Variants in FAM185A observed in about 807,000 individuals in gnomAD.
FAM185A encodes the protein protein FAM185A.
A neutral mutation model predicts 45.7 loss-of-function variants in FAM185A; 21 were observed. The ratio of observed to expected loss-of-function variants is 0.46; its 90% CI spans 0.33 to 0.66. The LOEUF (loss-of-function observed/expected upper bound fraction) is 0.66. FAM185A is among the 30% of genes least tolerant of loss of function. The probability of loss-of-function intolerance (pLI) is 0.03; values close to 1 mark genes in which losing one functional copy is unlikely to be tolerated. For missense variants in FAM185A, 305 were observed against 485.4 expected (o/e 0.63, Z 3.49); for synonymous variants, 117 against 194.0 (o/e 0.60, Z 3.30).
At chr7:102,766,051 G>C (rs1174581161) in intron 4 of FAM185A, among the ~76,000 whole-genome samples, 1 of 152,152 alleles carries the variant, frequency 6.6e-6, no homozygotes, top group Non-Finnish European at 1.5e-5. Flanking sequence ...ACAAAATACA[G>C]TTTTAAATAT....
chr7:102,813,775 A>G (rs1455199019), downstream of FAM185A, among the ~76,000 whole-genome samples: 2 of 152,198 alleles, frequency 1.3e-5, no homozygotes, highest in Non-Finnish European at 2.9e-5. Context: ...TAAGGAAACT[A>G]CACATGGCCA....
chr7:102,762,726 A>G (rs1040180313), intron 4 of FAM185A, among the ~76,000 whole-genome samples: 1 of 151,920 alleles, frequency 6.6e-6, no homozygotes, highest in African/African-American at 2.4e-5. Flanking sequence ...CTGGAGCCTC[A>G]ATTTAATGGT....
chr7:102,845,118 C>A, the FAM185A span, among the ~76,000 whole-genome samples: 1 of 152,046 alleles, frequency 6.6e-6, no homozygotes, highest in East Asian at 1.9e-4. Flanking sequence ...TAGACACCAT[C>A]AATTATTAGC....
At chr7:102,813,569 G>A (rs533475642), downstream of FAM185A, 9 of 1,587,754 alleles carry the variant, frequency 5.7e-6, no homozygotes, top group Admixed American at 5.4e-5. Context: ...AGTTGCAGAA[G>A]TAACCCCTAG....
At chr7:102,797,496 C>T (rs1283910889) in intron 7 of FAM185A, among the ~76,000 whole-genome samples, 10 of 152,124 alleles carry the variant, frequency 6.6e-5, no homozygotes, top group Non-Finnish European at 1.3e-4. Flanking sequence ...CAAAAAAGAA[C>T]GTTGACAAAA....
chr7:102,756,107 A>G (rs1584274604), intron 2 of FAM185A, among the ~76,000 whole-genome samples: 1 of 151,578 alleles, frequency 6.6e-6, no homozygotes, highest in East Asian at 2.0e-4. Flanking sequence ...GTAGTTAACC[A>G]TGCTATAGTA....
chr7:102,778,055 C>T (rs1460176938), intron 6 of FAM185A, among the ~76,000 whole-genome samples: 1 of 152,294 alleles, frequency 6.6e-6, no homozygotes, highest in South Asian at 2.1e-4. Context: ...AGAACTGTAG[C>T]TCTGTATAAA....
At chr7:102,811,188 G>C (rs754559867), downstream of FAM185A, among the ~76,000 whole-genome samples, 1 of 152,086 alleles carries the variant, frequency 6.6e-6, no homozygotes, top group Non-Finnish European at 1.5e-5. Flanking sequence ...AGCCAGAAAA[G>C]TCATAAGCAT....
the FAM185A span, among the ~76,000 whole-genome samples, chr7:102,845,026 C>CT: frequency 6.6e-6 from 1 of 152,180 alleles, no homozygotes; most frequent in African/African-American, 2.4e-5. Flanking sequence ...GTGCACCCCT[C>CT]TCCTGACATA....
chr7:102,755,240 T>C (rs1793637049), intron 2 of FAM185A: 1 of 490,586 alleles, frequency 2.0e-6, no homozygotes, highest in African/African-American at 2.0e-5. Flanking sequence ...AATCCCCTGT[T>C]TGAGAAAAGG....
intron 7 of FAM185A, among the ~76,000 whole-genome samples, chr7:102,797,866 T>C (rs1796530043): frequency 6.6e-6 from 1 of 152,094 alleles, no homozygotes; most frequent in Admixed American, 6.6e-5. Context: ...TGTTACAGGG[T>C]TAGAAGTGGG....
rs371359190 is a variant in FAM185A, at chr7:102,786,320, C to T, written c.932-1015C>T. On this transcript the variant is annotated intron_variant, in intron 6 of 7. Coordinates refer to ENST00000413034, the MANE Select transcript of FAM185A (RefSeq NM_001145268.2). ...TAGAAATACCATTTGACCCAGCAAT[C>T]CCATTACTGGGTATATACCCAAAGG... is the stretch of plus-strand genomic sequence containing the variant. Among the ~76,000 whole-genome samples, 1,358 of 152,300 alleles carry T rather than the reference C, an allele frequency of 8.9e-3. 11 individuals are homozygous for T. Among genetic ancestry groups the T allele is most frequent in the Middle Eastern group, 0.027 (8 of 294 alleles).
chr7:102,842,156 C>G, the FAM185A span, among the ~76,000 whole-genome samples: 1 of 152,184 alleles, frequency 6.6e-6, no homozygotes, highest in East Asian at 1.9e-4. Flanking sequence ...CGTTCCACCT[C>G]CCCATACAAG....
chr7:102,802,604 G>C (rs568218294), intron 7 of FAM185A, among the ~76,000 whole-genome samples: 1 of 152,202 alleles, frequency 6.6e-6, no homozygotes, highest in South Asian at 2.1e-4. Flanking sequence ...GACTGAAAGA[G>C]CACAAACTGA....
At chr7:102,837,157 A>G in the FAM185A span, among the ~76,000 whole-genome samples, 3 of 152,356 alleles carry the variant, frequency 2.0e-5, no homozygotes, top group African/African-American at 7.2e-5. Context: ...ACACTCCACC[A>G]ACAATGGCCT....
chr7:102,806,460 C>A (rs764495699), intron 7 of FAM185A, among the ~76,000 whole-genome samples: 1 of 152,222 alleles, frequency 6.6e-6, no homozygotes, highest in Non-Finnish European at 1.5e-5. Context: ...GCTGGGATTA[C>A]AGGCCTGAGC....
chr7:102,769,001 AT>A (rs1415829670), intron 4 of FAM185A, among the ~76,000 whole-genome samples: 1 of 152,216 alleles, frequency 6.6e-6, no homozygotes, highest in Admixed American at 6.5e-5. Flanking sequence ...ATACTACTTT[AT>A]TCCACTATGC....
chr7:102,816,978 T>G, the FAM185A span, among the ~76,000 whole-genome samples: 3 of 152,254 alleles, frequency 2.0e-5, no homozygotes, highest in Non-Finnish European at 2.9e-5. Context: ...ATGGTCTGAA[T>G]GTACCACATT....
At chr7:102,826,753 A>ATG in the FAM185A span, among the ~76,000 whole-genome samples, 1 of 112,254 alleles carries the variant, frequency 8.9e-6, no homozygotes, top group South Asian at 2.6e-4. Context: ...ATATATATAT[A>ATG]TATATATATA....
Sources: gnomAD v4.1 joint callset for allele counts (sites outside exome capture counted in the v4.1 genomes callset) on GRCh38, gnomAD v4.1.1 for gene constraint, MANE v1.5 for transcripts, NCBI Gene and HGNC (gene_info 2026-07-23, HGNC 2026-07-21) for gene names.